TUSC3: variants seen among roughly 807,000 people sequenced by gnomAD.
TUSC3 encodes dolichyl-diphosphooligosaccharide--protein glycosyltransferase subunit TUSC3.
A neutral mutation model predicts 44.8 loss-of-function variants in TUSC3; 45 were observed. That is an observed-to-expected ratio of 1.00 (90% confidence interval 0.79 to 1.29). The LOEUF (loss-of-function observed/expected upper bound fraction) is 1.29, where lower values mean the gene tolerates loss of function less well. Ranked by LOEUF, TUSC3 falls within the 50% of genes most tolerant of loss-of-function variation. The pLI is 0.00. For missense variants in TUSC3, 519 were observed against 437.9 expected, an observed-to-expected ratio of 1.19 and a Z score of -1.65; for synonymous variants, 212 against 152.9, an observed-to-expected ratio of 1.39 and a Z score of -2.85.
At chr8:15,618,038 T>C (rs1318888572) in intron 1 of TUSC3, among the ~76,000 whole-genome samples, 2 of 152,118 alleles carry the variant, frequency 1.3e-5, no homozygotes. Context: ...CGTCTAAATT[T>C]AGAAATGGTA....
chr8:15,637,725 C>G (rs1034101802), intron 2 of TUSC3, among the ~76,000 whole-genome samples: 1 of 151,940 alleles, frequency 6.6e-6, no homozygotes, highest in Non-Finnish European at 1.5e-5. Flanking sequence ...GATGGCTAGA[C>G]TTTTGAGTGG....
At chr8:15,502,366 A>C (rs1056967567) in intron 2 of TUSC3, among the ~76,000 whole-genome samples, 9 of 152,168 alleles carry the variant, frequency 5.9e-5, no homozygotes, top group African/African-American at 1.7e-4. Flanking sequence ...CACCTTTTTC[A>C]GCCCTCAGAC....
intron 1 of TUSC3, among the ~76,000 whole-genome samples, chr8:15,433,869 G>A (rs1266404610): frequency 1.3e-5 from 2 of 152,066 alleles, no homozygotes; most frequent in Non-Finnish European, 2.9e-5. Flanking sequence ...CATTATTACA[G>A]AAATCAAGCT....
intron 1 of TUSC3, among the ~76,000 whole-genome samples, chr8:15,454,944 G>T (rs1025068646): frequency 6.6e-6 from 1 of 152,018 alleles, no homozygotes; most frequent in Admixed American, 6.6e-5. Flanking sequence ...GATGTAACAG[G>T]CTCTCCCCTC....
downstream of TUSC3, among the ~76,000 whole-genome samples, chr8:15,770,958 C>A (rs79478405): frequency 0.023 from 3,431 of 152,170 alleles, 129 homozygotes; most frequent in African/African-American, 0.077. Context: ...GAGATCCATA[C>A]CAAGACACAT....
At chr8:15,634,103 C>T (rs1335952219) in intron 2 of TUSC3, among the ~76,000 whole-genome samples, 3 of 152,158 alleles carry the variant, frequency 2.0e-5, no homozygotes, top group Non-Finnish European at 2.9e-5. Context: ...GTTCATCATA[C>T]CTAATGTGGT....
the TUSC3 span, among the ~76,000 whole-genome samples, chr8:15,792,079 G>C: frequency 1.3e-5 from 2 of 151,738 alleles, no homozygotes; most frequent in African/African-American, 4.8e-5. Context: ...GCTTGAATTT[G>C]TATTTGGAAA....
At chr8:15,846,190 A>T in the TUSC3 span, among the ~76,000 whole-genome samples, 1 of 152,126 alleles carries the variant, frequency 6.6e-6, no homozygotes. Flanking sequence ...CAGCCAAACC[A>T]TATCAACTCC....
chr8:15,450,983 A>G (rs948650731), intron 1 of TUSC3, among the ~76,000 whole-genome samples: 2 of 152,014 alleles, frequency 1.3e-5, no homozygotes, highest in Non-Finnish European at 2.9e-5. Context: ...GACTAACACC[A>G]TGGTCAATCC....
At chr8:15,706,241 G>A (rs1013281918) in intron 6 of TUSC3, among the ~76,000 whole-genome samples, 2 of 151,948 alleles carry the variant, frequency 1.3e-5, no homozygotes, top group Admixed American at 1.3e-4. Flanking sequence ...TGTGTTTGCT[G>A]TTTATTTTCA....
intron 7 of TUSC3, among the ~76,000 whole-genome samples, chr8:15,736,897 G>A (rs1420660601): frequency 6.6e-6 from 1 of 152,080 alleles, no homozygotes; most frequent in African/African-American, 2.4e-5. Context: ...TCTAGGATAA[G>A]CTTTAGTGTC....
intron 1 of TUSC3, among the ~76,000 whole-genome samples, chr8:15,598,564 T>G (rs1228343747): frequency 9.6e-6 from 1 of 104,162 alleles, no homozygotes; most frequent in African/African-American, 3.6e-5. Context: ...TCCATCATTA[T>G]AATGGATAAT....
At chr8:15,710,534 A>G (rs1809797817) in intron 6 of TUSC3, among the ~76,000 whole-genome samples, 1 of 151,796 alleles carries the variant, frequency 6.6e-6, no homozygotes, top group South Asian at 2.1e-4. Flanking sequence ...ATGGCAGGAA[A>G]ACATAGCTGA....
the TUSC3 span, among the ~76,000 whole-genome samples, chr8:15,784,328 A>G: frequency 6.6e-6 from 1 of 152,152 alleles, no homozygotes. Context: ...CAGCACTCCT[A>G]CTTGTGAGAT....
At chr8:15,830,284 C>G in the TUSC3 span, among the ~76,000 whole-genome samples, 1 of 152,100 alleles carries the variant, frequency 6.6e-6, no homozygotes, top group Non-Finnish European at 1.5e-5. Context: ...TCCACATAAT[C>G]TCTTTAAGTC....
intron 2 of TUSC3, among the ~76,000 whole-genome samples, chr8:15,530,292 T>G (rs928725011): frequency 3.3e-5 from 5 of 152,102 alleles, no homozygotes; most frequent in Admixed American, 2.6e-4. Flanking sequence ...TTGCCTATCA[T>G]TTCTTTCTTG....
At chr8:15,735,400 G>A (rs994473988) in intron 7 of TUSC3, among the ~76,000 whole-genome samples, 6 of 152,176 alleles carry the variant, frequency 3.9e-5, no homozygotes, top group Non-Finnish European at 8.8e-5. Context: ...AACAAGGTTT[G>A]GAGGGCAATG....
chr8:15,816,775 C>T, the TUSC3 span, among the ~76,000 whole-genome samples: 70,338 of 152,046 alleles, frequency 0.46, 18,718 homozygotes, highest in Non-Finnish European at 0.61. Context: ...TTACACCTAG[C>T]ACATAATTCA....
At chr8:15,486,579 G>A (rs559227807) in intron 2 of TUSC3, among the ~76,000 whole-genome samples, 53 of 152,022 alleles carry the variant, frequency 3.5e-4, no homozygotes, top group African/African-American at 1.2e-3. Flanking sequence ...CAAGTAGCTG[G>A]GATTACAGGC....
Sources: allele counts gnomAD v4.1 joint callset (sites outside exome capture counted in the v4.1 genomes callset), GRCh38; gene constraint gnomAD v4.1.1; transcripts MANE v1.5; gene names NCBI Gene and HGNC (gene_info 2026-07-23, HGNC 2026-07-21).